MCU: variants seen among roughly 807,000 people sequenced by gnomAD.
MCU encodes the protein mitochondrial calcium uniporter.
A neutral mutation model predicts 45.2 loss-of-function variants in MCU; 12 were observed. That is an observed-to-expected ratio of 0.27 (90% CI 0.17 to 0.43). MCU has a LOEUF of 0.43. Among genes scored for constraint, MCU ranks in the 20% least tolerant of loss-of-function variants. The pLI is 1.00. For missense variants in MCU, 324 were observed against 436.7 expected (o/e 0.74, Z 2.30); for synonymous variants, 160 against 165.1 (o/e 0.97, Z 0.24).
rs769357335 is a variant in MCU at position 72,703,128 on chromosome 10, AG to A, written c.150+10828del. 2.0e-4 allele frequency among the ~76,000 whole-genome samples: 31 copies of A among 152,332 alleles called. No homozygotes were observed. In the East Asian group the frequency reaches 6.0e-3, roughly 29 times the overall value. On this transcript the variant is annotated intron_variant, in intron 1 of 7. Transcript: ENST00000373053. ...GCAGCCACTGGTTTGTTACAACTGG[AG>A]TATGCGCAAGAATAGCTGGAGATTA... is the stretch of plus-strand genomic sequence containing the variant.
chr10:72,789,360 C>T (rs1334133799), intron 1 of MCU, among the ~76,000 whole-genome samples: 2 of 151,946 alleles, frequency 1.3e-5, no homozygotes, highest in African/African-American at 4.8e-5. Context: ...TGAGTGGTTG[C>T]CATTACATAT....
intron 2 of MCU, among the ~76,000 whole-genome samples, chr10:72,846,443 C>T (rs897109968): frequency 9.2e-5 from 14 of 152,132 alleles, no homozygotes; most frequent in Non-Finnish European, 4.4e-5. Context: ...CCCTTTGTTC[C>T]GCATATCCAT....
chr10:72,775,215 TA>T (rs1184505099), intron 1 of MCU, among the ~76,000 whole-genome samples: 1 of 151,898 alleles, frequency 6.6e-6, no homozygotes, highest in Non-Finnish European at 1.5e-5. Flanking sequence ...CCACACGGAA[TA>T]AAACTAGAAA....
intron 1 of MCU, among the ~76,000 whole-genome samples, chr10:72,718,925 A>T (rs1440306249): frequency 6.6e-6 from 1 of 152,172 alleles, no homozygotes; most frequent in Non-Finnish European, 1.5e-5. Flanking sequence ...AGCAGGTAAA[A>T]CTAATCAATA....
chr10:72,872,256 T>A (rs540854198), intron 6 of MCU, among the ~76,000 whole-genome samples: 2 of 152,304 alleles, frequency 1.3e-5, no homozygotes, highest in East Asian at 3.9e-4. Context: ...ATGTATTATT[T>A]TTTTTTTGTT....
intron 1 of MCU, among the ~76,000 whole-genome samples, chr10:72,702,353 A>G (rs1362666608): frequency 6.6e-6 from 1 of 152,186 alleles, no homozygotes; most frequent in Non-Finnish European, 1.5e-5. Context: ...CTTTTATAAC[A>G]TTCTCTAGTG....
intron 6 of MCU, 118 bp downstream of exon 6, chr10:72,871,698 T>A (rs1393001685): frequency 1.3e-6 from 1 of 768,828 alleles, no homozygotes; most frequent in African/African-American, 1.7e-5. Flanking sequence ...CCTTTACACA[T>A]ACACACACAT....
chr10:72,831,394 G>T (rs1417687128), intron 1 of MCU, among the ~76,000 whole-genome samples: 1 of 152,008 alleles, frequency 6.6e-6, no homozygotes, highest in African/African-American at 2.4e-5. Flanking sequence ...AAGAAACATA[G>T]CTGTATTAAT....
chr10:72,730,804 A>G (rs1843162789), intron 1 of MCU: 1 of 152,238 alleles, frequency 6.6e-6, no homozygotes, highest in South Asian at 2.1e-4. Context: ...AAGATTATGT[A>G]TGCAATAGTG....
intron 1 of MCU, among the ~76,000 whole-genome samples, chr10:72,710,170 G>A (rs1429033179): frequency 6.6e-6 from 1 of 152,040 alleles, no homozygotes; most frequent in Non-Finnish European, 1.5e-5. Flanking sequence ...TAGAGATGGG[G>A]TTTCACCATG....
chr10:72,735,403 G>A (rs571790221), intron 1 of MCU, among the ~76,000 whole-genome samples: 1 of 152,124 alleles, frequency 6.6e-6, no homozygotes, highest in East Asian at 1.9e-4. Flanking sequence ...GATGTGATGT[G>A]GTTTAATAGC....
intron 1 of MCU, among the ~76,000 whole-genome samples, chr10:72,816,940 C>T (rs915251311): frequency 5.3e-5 from 8 of 152,180 alleles, no homozygotes; most frequent in African/African-American, 1.9e-4. Context: ...AAGTGTTCTA[C>T]AGCAAACTTA....
intron 1 of MCU, among the ~76,000 whole-genome samples, chr10:72,714,812 C>G (rs1842939032): frequency 6.6e-6 from 1 of 152,096 alleles, no homozygotes; most frequent in South Asian, 2.1e-4. Context: ...TCCCAAAGTG[C>G]TGGGATTACA....
intron 1 of MCU, among the ~76,000 whole-genome samples, chr10:72,740,624 A>G (rs963224709): frequency 1.3e-5 from 2 of 152,068 alleles, no homozygotes; most frequent in Admixed American, 1.3e-4. Flanking sequence ...TTGTATTCCT[A>G]TTTATATTTT....
intron 1 of MCU, among the ~76,000 whole-genome samples, chr10:72,713,947 T>TTGTGTGTGTGTGTGTG (rs72292523): frequency 1.9e-4 from 27 of 139,016 alleles, no homozygotes; most frequent in African/African-American, 7.4e-4. Context: ...CTTTCATCAT[T>TTGTGTGTGTGTGTGTG]TGTGTGTGTG....
At chr10:72,709,195 G>A (rs1365373309) in intron 1 of MCU, among the ~76,000 whole-genome samples, 1 of 152,122 alleles carries the variant, frequency 6.6e-6, no homozygotes, top group Non-Finnish European at 1.5e-5. Flanking sequence ...GTTTATTTTG[G>A]AACTAGTCTT....
chr10:72,832,312 T>C (rs973208006), intron 1 of MCU, among the ~76,000 whole-genome samples: 7 of 152,216 alleles, frequency 4.6e-5, no homozygotes, highest in African/African-American at 1.7e-4. Flanking sequence ...TATGTTATAT[T>C]AATTAAAGTA....
intron 1 of MCU, among the ~76,000 whole-genome samples, chr10:72,717,846 A>T (rs912885847): frequency 5.3e-5 from 8 of 152,174 alleles, no homozygotes; most frequent in African/African-American, 1.7e-4. Context: ...TCTGTAGATT[A>T]TGTTGCAGAG....
At chr10:72,693,132 C>T (rs1181555435) in intron 1 of MCU, 1 of 1,487,914 alleles carries the variant, frequency 6.7e-7, no homozygotes, top group Non-Finnish European at 9.1e-7. Flanking sequence ...GTTTCATTGG[C>T]TGGCAGAAAA....
Sources: gnomAD v4.1 joint callset for allele counts (sites outside exome capture counted in the v4.1 genomes callset) on GRCh38, gnomAD v4.1.1 for gene constraint, MANE v1.5 for transcripts, NCBI Gene and HGNC (gene_info 2026-07-23, HGNC 2026-07-21) for gene names.